METTL25: variants seen among roughly 807,000 people sequenced by gnomAD.
METTL25 encodes the protein probable methyltransferase-like protein 25.
METTL25 carries 64 observed loss-of-function variants against 71.6 expected under a neutral mutation model. The ratio of observed to expected loss-of-function variants is 0.89; its 90% CI spans 0.73 to 1.10. The LOEUF is 1.10. METTL25 is among the 50% of genes least tolerant of loss of function. METTL25 has a pLI of 0.00. For synonymous variants in METTL25, 287 were observed against 250.3 expected (o/e 1.15, Z -1.38); for missense variants, 807 against 707.0 (o/e 1.14, Z -1.60).
intron 8 of METTL25, among the ~76,000 whole-genome samples, chr12:82,453,169 A>G (rs745483158): frequency 1.3e-5 from 2 of 152,168 alleles, no homozygotes; most frequent in South Asian, 2.1e-4. Context: ...TATGAAGTCT[A>G]TTCCCTCATA....
intron 5 of METTL25, among the ~76,000 whole-genome samples, chr12:82,419,192 T>C (rs1387875371): frequency 6.6e-6 from 1 of 151,984 alleles, no homozygotes; most frequent in Non-Finnish European, 1.5e-5. Context: ...AAAAGTGCCA[T>C]ATTCTGGATA....
chr12:82,476,111 A>C (rs1344458839), intron 9 of METTL25, among the ~76,000 whole-genome samples: 1 of 152,132 alleles, frequency 6.6e-6, no homozygotes. Flanking sequence ...GTGGCCTGCT[A>C]AATACAAGAG....
At chr12:82,382,775 T>C (rs1412442835) in intron 1 of METTL25, among the ~76,000 whole-genome samples, 1 of 151,866 alleles carries the variant, frequency 6.6e-6, no homozygotes, top group Non-Finnish European at 1.5e-5. Flanking sequence ...GAGTGCAGTG[T>C]CATGATGAGG....
chr12:82,428,851 A>AT (rs1889250999), intron 5 of METTL25, among the ~76,000 whole-genome samples: 3 of 151,962 alleles, frequency 2.0e-5, no homozygotes, highest in African/African-American at 7.2e-5. Flanking sequence ...GCTAGTTAAT[A>AT]CATTTAAAGG....
intron 1 of METTL25, among the ~76,000 whole-genome samples, chr12:82,372,986 G>A (rs188256373): frequency 0.012 from 1,768 of 152,254 alleles, 30 homozygotes; most frequent in African/African-American, 0.04. Context: ...AAGGAGGACC[G>A]AGGAAGGTCG....
intron 5 of METTL25, among the ~76,000 whole-genome samples, chr12:82,428,775 AG>A (rs930021671): frequency 1.8e-4 from 4 of 22,112 alleles, no homozygotes; most frequent in Non-Finnish European, 6.2e-4. Context: ...GTCTGTGCTC[AG>A]TTTCCCTATC....
chr12:82,412,310 C>A (rs1383827148), intron 5 of METTL25, among the ~76,000 whole-genome samples: 1 of 152,088 alleles, frequency 6.6e-6, no homozygotes, highest in African/African-American at 2.4e-5. Context: ...ATATTCATCA[C>A]AATCTATTCA....
chr12:82,380,872 C>T (rs1884374568), intron 1 of METTL25, among the ~76,000 whole-genome samples: 1 of 152,140 alleles, frequency 6.6e-6, no homozygotes, highest in Non-Finnish European at 1.5e-5. Context: ...GAAGTTTTCA[C>T]CGAAATGGTA....
intron 1 of METTL25, among the ~76,000 whole-genome samples, chr12:82,379,402 G>C (rs553815686): frequency 2.6e-5 from 4 of 151,884 alleles, no homozygotes; most frequent in African/African-American, 9.7e-5. Context: ...AATTATATTT[G>C]ATTTATCAAA....
intron 8 of METTL25, 21 bp downstream of exon 8, chr12:82,438,812 TAAG>T (rs755224093): frequency 1.3e-6 from 2 of 1,490,034 alleles, no homozygotes; most frequent in South Asian, 1.3e-5. Context: ...TTTATTTTAA[TAAG>T]AATAACTATG....
intron 10 of METTL25, 76 bp downstream of exon 10, chr12:82,476,794 G>T (rs1262557147): frequency 2.2e-6 from 2 of 891,730 alleles, no homozygotes; most frequent in Non-Finnish European, 3.5e-6. Context: ...TTTTATTATG[G>T]GCTAAGCAAT....
intron 1 of METTL25, among the ~76,000 whole-genome samples, chr12:82,363,595 A>G (rs1457670980): frequency 1.3e-5 from 2 of 152,192 alleles, no homozygotes; most frequent in African/African-American, 4.8e-5. Flanking sequence ...GATAGTTTTC[A>G]CAGTTTGAGT....
chr12:82,474,656 G>C (rs1892778461), intron 9 of METTL25: 1 of 152,126 alleles, frequency 6.6e-6, no homozygotes, highest in African/African-American at 2.4e-5. Context: ...TGGTTTCACT[G>C]TTTGGGGTTC....
At chr12:82,361,535 G>T (rs1045943107) in intron 1 of METTL25, among the ~76,000 whole-genome samples, 4 of 152,182 alleles carry the variant, frequency 2.6e-5, no homozygotes, top group African/African-American at 9.6e-5. Context: ...CTCAGGCATG[G>T]CGGGCTGCAG....
At chr12:82,463,658 A>G (rs1312352982) in intron 9 of METTL25, among the ~76,000 whole-genome samples, 4 of 151,990 alleles carry the variant, frequency 2.6e-5, no homozygotes, top group East Asian at 3.9e-4. Flanking sequence ...TGGAACCTCT[A>G]TCCTCTTCTC....
chr12:82,454,461 T>G (rs1443305782), intron 8 of METTL25, among the ~76,000 whole-genome samples: 1 of 152,066 alleles, frequency 6.6e-6, no homozygotes, highest in African/African-American at 2.4e-5. Context: ...TCATCAACTT[T>G]CTAGTTCTAG....
chr12:82,369,836 C>T (rs909088167), intron 1 of METTL25, among the ~76,000 whole-genome samples: 2 of 152,038 alleles, frequency 1.3e-5, no homozygotes, highest in Non-Finnish European at 2.9e-5. Flanking sequence ...CTAATTGGTG[C>T]GTTTTTACAG....
At chr12:82,417,984 G>T (rs1256339846) in intron 5 of METTL25, among the ~76,000 whole-genome samples, 1 of 152,110 alleles carries the variant, frequency 6.6e-6, no homozygotes, top group Non-Finnish European at 1.5e-5. Flanking sequence ...AGAAAGAACA[G>T]AGATGAGCAT....
intron 1 of METTL25, among the ~76,000 whole-genome samples, chr12:82,361,438 C>T (rs986095687): frequency 3.3e-5 from 5 of 152,176 alleles, no homozygotes; most frequent in East Asian, 1.9e-4. Context: ...CTTGGGCGGT[C>T]GATGGGACCA....
Sources: gnomAD v4.1 joint callset for allele counts (sites outside exome capture counted in the v4.1 genomes callset) on GRCh38, gnomAD v4.1.1 for gene constraint, MANE v1.5 for transcripts, NCBI Gene and HGNC (gene_info 2026-07-23, HGNC 2026-07-21) for gene names.